The following SNRPD1 variants were observed in gnomAD, a reference collection of about 807,000 sequenced individuals.
SNRPD1 encodes the protein small nuclear ribonucleoprotein Sm D1.
Under a neutral mutation model 14.4 loss-of-function variants are expected in SNRPD1, and 1 was observed. That is an observed-to-expected ratio of 0.07 (90% CI 0.02 to 0.33). The LOEUF (loss-of-function observed/expected upper bound fraction) is 0.33, where lower values mean the gene tolerates loss of function less well. Among genes scored for constraint, SNRPD1 ranks in the 10% least tolerant of loss-of-function variants. The pLI, the probability that SNRPD1 is intolerant of heterozygous loss-of-function variation, is 1.00. For synonymous variants in SNRPD1, 42 were observed against 50.3 expected (o/e 0.83, Z 0.70); for missense variants, 52 against 146.4 (o/e 0.36, Z 3.33).
chr18:21,619,194 T>G (rs1209985767), intron 1 of SNRPD1, among the ~76,000 whole-genome samples: 1 of 152,150 alleles, frequency 6.6e-6, no homozygotes, highest in Non-Finnish European at 1.5e-5. Context: ...TTTCGTTTGT[T>G]TTTTTGACAA....
intron 1 of SNRPD1, among the ~76,000 whole-genome samples, chr18:21,618,308 C>T (rs567340630): frequency 1.1e-4 from 16 of 151,634 alleles, no homozygotes; most frequent in African/African-American, 3.4e-4. Context: ...GTGGCATAGT[C>T]TCAGAAAAAA....
At chr18:21,623,607 G>T in intron 2 of SNRPD1, 141 bp from the exon 3 acceptor site, 1 of 637,966 alleles carries the variant, frequency 1.6e-6, no homozygotes, top group Non-Finnish European at 2.8e-6. Flanking sequence ...TTGCACATGT[G>T]CTAAATTGTG....
chr18:21,632,583 A>G lies in SNRPD1; in HGVS notation c.*3445A>G, dbSNP rs970321913. ...GGTACTAGATTGAGTTTATTCCACTAGAGGTCATTATTTCATTTCCATGTG... is the reference window on the plus strand; with the variant it reads ...GGTACTAGATTGAGTTTATTCCACTGGAGGTCATTATTTCATTTCCATGTG... On this transcript the variant is annotated 3_prime_UTR_variant, in exon 4 of 4. Transcript: ENST00000300413. The G allele has an allele frequency of 1.3e-5, 2 of 152,192 alleles. No individual in the cohort carries two copies. Among genetic ancestry groups the G allele is most frequent in the Non-Finnish European group, 2.9e-5 (2 of 68,038 alleles). 9.4% of individuals were successfully genotyped at this position (152,192 alleles called of 1,614,324 possible).
At chr18:21,618,133 C>G (rs143413092) in intron 1 of SNRPD1, among the ~76,000 whole-genome samples, 18 of 152,024 alleles carry the variant, frequency 1.2e-4, no homozygotes, top group African/African-American at 4.3e-4. Context: ...AGTAAAAAAC[C>G]TGTGTGTAGC....
chr18:21,618,112 A>T (rs1481816379), intron 1 of SNRPD1, among the ~76,000 whole-genome samples: 1 of 151,932 alleles, frequency 6.6e-6, no homozygotes, highest in Non-Finnish European at 1.5e-5. Flanking sequence ...CACATGCTAC[A>T]ATATATTCTT....
chr18:21,624,710 A>G (rs1187192982), intron 3 of SNRPD1, among the ~76,000 whole-genome samples: 25 of 151,092 alleles, frequency 1.7e-4, no homozygotes, highest in African/African-American at 5.6e-4. Context: ...AAATATATAT[A>G]TATATATATG....
intron 3 of SNRPD1, 115 bp downstream of exon 3, chr18:21,624,054 T>C (rs2039017075): frequency 1.5e-6 from 1 of 663,970 alleles, no homozygotes; most frequent in African/African-American, 1.8e-5. Context: ...ATATTTCCTA[T>C]AGTATGTATA....
At chr18:21,624,701 A>AATAT (rs745537224) in intron 3 of SNRPD1, among the ~76,000 whole-genome samples, 1 of 146,018 alleles carries the variant, frequency 6.8e-6, no homozygotes, top group Non-Finnish European at 1.5e-5. Context: ...AAAAAAAAAA[A>AATAT]ATATATATAT....
Position 21,612,449 on chromosome 18 carries a change from G to C in SNRPD1, c.14+6G>C. On this transcript the variant is annotated splice_donor_region_variant and intron_variant, in intron 1 of 3. Coordinates refer to ENST00000300413, the MANE Select transcript of SNRPD1 (RefSeq NM_006938.4). The stretch of plus-strand genomic sequence containing the variant: ...GCTAGGATGAAGCTCGTGAGGTGAG[G>C]GAGTGACCAAGCAGCTCTGGGGGCT... 2 of 1,544,130 alleles carry C rather than the reference G, an allele frequency of 1.3e-6. No individual in the cohort carries two copies. Among genetic ancestry groups the C allele is most frequent in the Non-Finnish European group, 1.8e-6 (2 of 1,136,664 alleles).
Position 21,630,434 on chromosome 18 carries a change from T to C in SNRPD1, c.*1296T>C, listed in dbSNP as rs903184471. ...TCATGTATGTGAGTTTTTTTTTTTTTAAGTAAAGAAATTTTCTGCAAAGAT... is the reference window on the plus strand; with the variant it reads ...TCATGTATGTGAGTTTTTTTTTTTTCAAGTAAAGAAATTTTCTGCAAAGAT... On this transcript the variant is annotated 3_prime_UTR_variant, in exon 4 of 4. Coordinates refer to ENST00000300413, the MANE Select transcript of SNRPD1 (RefSeq NM_006938.4). 5 of 152,118 alleles carry C rather than the reference T, an allele frequency of 3.3e-5. No individual in the cohort carries two copies. Among genetic ancestry groups the C allele is most frequent in the Admixed American group, 2.0e-4 (3 of 15,262 alleles). 9.4% of individuals were successfully genotyped at this position (152,118 alleles called of 1,614,324 possible).
At chr18:21,625,922 C>T (rs907428887) in intron 3 of SNRPD1, among the ~76,000 whole-genome samples, 2 of 152,016 alleles carry the variant, frequency 1.3e-5, no homozygotes, top group African/African-American at 4.8e-5. Context: ...AATCTTTTAT[C>T]TACTGTGTTT....
rs2039088006 is a variant in SNRPD1, at chr18:21,631,978, T to C, written c.*2840T>C. On this transcript the variant is annotated 3_prime_UTR_variant, in exon 4 of 4. Transcript: ENST00000300413. The stretch of plus-strand genomic sequence containing the variant: ...GACAGAAGCAGATAACAAATAAAAA[T>C]TGGAGCTTAGTGCCGTGGTGCACAC... 1 of 151,988 alleles carries C rather than the reference T, an allele frequency of 6.6e-6. No individual in the cohort carries two copies. Among genetic ancestry groups the C allele is most frequent in the Admixed American group, 6.6e-5 (1 of 15,226 alleles). The allele number at this position is 151,988 out of a possible 1,614,324, so 9.4% of individuals were successfully genotyped here.
At chr18:21,628,407 G>A (rs979149007) in intron 3 of SNRPD1, among the ~76,000 whole-genome samples, 3 of 152,090 alleles carry the variant, frequency 2.0e-5, no homozygotes, top group African/African-American at 7.2e-5. Flanking sequence ...GAATGTGACT[G>A]ACTTCTATGT....
At chr18:21,620,803 A>G (rs1483535974) in intron 1 of SNRPD1, among the ~76,000 whole-genome samples, 1 of 152,136 alleles carries the variant, frequency 6.6e-6, no homozygotes, top group African/African-American at 2.4e-5. Flanking sequence ...GAAAAACTCA[A>G]CCTAATTGAG....
chr18:21,620,946 G>A (rs935304934), intron 1 of SNRPD1, among the ~76,000 whole-genome samples: 1 of 151,998 alleles, frequency 6.6e-6, no homozygotes, highest in Non-Finnish European at 1.5e-5. Flanking sequence ...GGTGGATCAC[G>A]AGGTCAGAAG....
Position 21,629,708 on chromosome 18 carries a change from A to G in SNRPD1, c.*570A>G, listed in dbSNP as rs1223403752. 3 of 153,850 alleles carry G rather than the reference A, an allele frequency of 1.9e-5. No individual in the cohort carries two copies. Among genetic ancestry groups the G allele is most frequent in the African/African-American group, 7.2e-5 (3 of 41,474 alleles). 9.5% of individuals were successfully genotyped at this position (153,850 alleles called of 1,614,324 possible). A position where few individuals can be genotyped will look rare whatever the true frequency, so the allele number is the denominator to read the frequency against. On this transcript the variant is annotated 3_prime_UTR_variant, in exon 4 of 4. Coordinates refer to ENST00000300413, the MANE Select transcript of SNRPD1 (RefSeq NM_006938.4). ...GTCTGTTTACACGTCCAGTTAGGCT[A>G]CAGTTCTATGTACTGAGAAACCTTT...
At chr18:21,624,775 C>G (rs145018617) in intron 3 of SNRPD1, among the ~76,000 whole-genome samples, 252 of 151,780 alleles carry the variant, frequency 1.7e-3, no homozygotes, top group African/African-American at 5.9e-3. Flanking sequence ...GGTCCTTTAT[C>G]TCATGCTGCT....
intron 3 of SNRPD1, among the ~76,000 whole-genome samples, chr18:21,628,495 C>T (rs922982183): frequency 2.0e-5 from 3 of 152,178 alleles, no homozygotes; most frequent in African/African-American, 7.2e-5. Flanking sequence ...CACCATGATA[C>T]TCAACTAGAG....
In SNRPD1 at chr18:21,633,386, A is replaced by G. The variant is rs1408256144; in HGVS notation, c.*4248A>G. ...TCCTGAAGACTTAACCTAGAAAATA[A>G]CTCCATAACAAGAAGAATCTCTGTC... On this transcript the variant is annotated 3_prime_UTR_variant, in exon 4 of 4. Coordinates refer to ENST00000300413, the MANE Select transcript of SNRPD1 (RefSeq NM_006938.4). 1 of 152,172 alleles carries G rather than the reference A, an allele frequency of 6.6e-6. No individual in the cohort carries two copies. Among genetic ancestry groups the G allele is most frequent in the African/African-American group, 2.4e-5 (1 of 41,436 alleles). The allele number at this position is 152,172 out of a possible 1,614,324, so 9.4% of individuals were successfully genotyped here. A position where few individuals can be genotyped will look rare whatever the true frequency, so the allele number is the denominator to read the frequency against.
Sources: allele counts gnomAD v4.1 joint callset (sites outside exome capture counted in the v4.1 genomes callset), GRCh38; gene constraint gnomAD v4.1.1; transcripts MANE v1.5; gene names NCBI Gene and HGNC (gene_info 2026-07-23, HGNC 2026-07-21).